Variants in USP24 observed in about 807,000 individuals in gnomAD.
USP24 encodes ubiquitin carboxyl-terminal hydrolase 24.
A neutral mutation model predicts 361.6 loss-of-function variants in USP24; 97 were observed. The ratio of observed to expected loss-of-function variants is 0.27; its 90% CI spans 0.23 to 0.32. The LOEUF (loss-of-function observed/expected upper bound fraction) is 0.32, where lower values mean the gene tolerates loss of function less well. USP24 is among the 10% of genes least tolerant of loss of function. USP24 has a pLI of 1.00. For synonymous variants in USP24, 1,098 were observed against 1,124.6 expected, an observed-to-expected ratio of 0.98 and a Z score of 0.47; for missense variants, 2,353 against 3,165.6, an observed-to-expected ratio of 0.74 and a Z score of 6.16.
At chr1:55,175,099 T>A (rs1649824616) in intron 3 of USP24, among the ~76,000 whole-genome samples, 1 of 151,972 alleles carries the variant, frequency 6.6e-6, no homozygotes, top group African/African-American at 2.4e-5. Context: ...ATGAAGCTAC[T>A]TTTGCTTCTA....
chr1:55,202,596 A>G (rs2454216), intron 1 of USP24, among the ~76,000 whole-genome samples: 149,917 of 152,252 alleles, frequency 0.98, 73,844 homozygotes, highest in East Asian at 1. Context: ...GTAGAGACGG[A>G]GTTTCACCCT....
chr1:55,208,019 A>C (rs1644755274), intron 1 of USP24, among the ~76,000 whole-genome samples: 1 of 152,238 alleles, frequency 6.6e-6, no homozygotes, highest in African/African-American at 2.4e-5. Flanking sequence ...CTGCTGTATC[A>C]TGGCTGAAGC....
intron 64 of USP24, chr1:55,073,136 G>A (rs1306182165): frequency 4.5e-6 from 2 of 444,668 alleles, no homozygotes; most frequent in East Asian, 3.7e-5. Context: ...ATGGATGGTG[G>A]TGATGGTTGC....
At chr1:55,133,250 C>A (rs1465401206) in intron 30 of USP24, among the ~76,000 whole-genome samples, 1 of 152,130 alleles carries the variant, frequency 6.6e-6, no homozygotes, top group African/African-American at 2.4e-5. Context: ...ATAGATACGA[C>A]ACAATTTCAA....
At chr1:55,137,133 G>A (rs1352212650) in intron 28 of USP24, among the ~76,000 whole-genome samples, 1 of 152,206 alleles carries the variant, frequency 6.6e-6, no homozygotes, top group African/African-American at 2.4e-5. Context: ...AAAGCCAAGT[G>A]AAGAGTGTTC....
intron 8 of USP24, among the ~76,000 whole-genome samples, chr1:55,160,783 C>T (rs1160539386): frequency 6.6e-6 from 1 of 152,010 alleles, no homozygotes; most frequent in Non-Finnish European, 1.5e-5. Context: ...AATTCTCTTC[C>T]ACATAGCAAG....
intron 1 of USP24, among the ~76,000 whole-genome samples, chr1:55,197,763 G>GT (rs1425312699): frequency 6.6e-6 from 1 of 152,190 alleles, no homozygotes; most frequent in African/African-American, 2.4e-5. Flanking sequence ...CCTAAATATA[G>GT]TGACCAGGTG....
At chr1:55,134,503 C>T (rs147741685) in intron 28 of USP24, 90 bp from the exon 29 acceptor site, 13,145 of 1,145,234 alleles carry the variant, frequency 0.011, 115 homozygotes, top group Non-Finnish European at 0.014. Context: ...AATACTAGTT[C>T]TGAAAGGCTG....
chr1:55,140,821 A>G (rs1302651882), intron 24 of USP24, among the ~76,000 whole-genome samples: 1 of 152,200 alleles, frequency 6.6e-6, no homozygotes, highest in Admixed American at 6.5e-5. Context: ...AGAGGCTCAT[A>G]AAAAACCCAC....
intron 11 of USP24, 84 bp downstream of exon 11, chr1:55,157,172 G>T: frequency 7.4e-7 from 1 of 1,358,002 alleles, no homozygotes; most frequent in Non-Finnish European, 1.0e-6. Flanking sequence ...TACAGTCAAA[G>T]CAACAATTTT....
chr1:55,095,585 T>G (rs1645478712), intron 50 of USP24, among the ~76,000 whole-genome samples, 189 bp from the exon 51 acceptor site: 1 of 152,198 alleles, frequency 6.6e-6, no homozygotes, highest in South Asian at 2.1e-4. Context: ...ACTTCAGTTG[T>G]GGGCCTAGCT....
At chr1:55,098,374 G>A (rs760307036) in intron 46 of USP24, 102 bp downstream of exon 46, 22 of 1,037,474 alleles carry the variant, frequency 2.1e-5, no homozygotes, top group Non-Finnish European at 2.9e-5. Context: ...TTGACAGGGA[G>A]AGAGTTCTAA....
At chr1:55,212,536 A>G (rs1335118988) in intron 1 of USP24, among the ~76,000 whole-genome samples, 1 of 152,186 alleles carries the variant, frequency 6.6e-6, no homozygotes, top group African/African-American at 2.4e-5. Context: ...ATGCTGGATA[A>G]TATTTATTAC....
intron 67 of USP24, among the ~76,000 whole-genome samples, chr1:55,070,085 G>A (rs950142171): frequency 1.3e-5 from 2 of 151,924 alleles, no homozygotes; most frequent in Non-Finnish European, 2.9e-5. Flanking sequence ...AGGTGGAGGA[G>A]AGGGACGAGC....
intron 32 of USP24, among the ~76,000 whole-genome samples, chr1:55,127,208 C>A (rs989146782): frequency 2.0e-5 from 3 of 150,904 alleles, no homozygotes; most frequent in Non-Finnish European, 4.4e-5. Flanking sequence ...CTAATGCTAT[C>A]CCTCCCCACT....
chr1:55,096,560 T>C lies in USP24; in HGVS notation c.5999A>G (p.Asn2000Ser). Residue 2000 changes from asparagine (N) to serine (S), a missense_variant, in exon 50 of 68, where the codon AAT (asparagine) becomes AGT (serine). Asn to Ser is a conservative substitution (Grantham distance 46). Transcript: ENST00000294383. ...GCATTCATACTCCAGGGTCTCGTCA[T>C]TTAGGTCAAATTCTTCTATAACTGT... ...NDTVIEEFDL[N>S]DETLEYECFG... 6.2e-7 allele frequency: 1 copy of C among 1,613,330 alleles called. No homozygotes were observed. The highest frequency in any genetic ancestry group is 1.1e-5 in the South Asian group (1 of 90,942).
At chr1:55,070,367 G>A (rs958856871) in intron 67 of USP24, among the ~76,000 whole-genome samples, 2 of 152,204 alleles carry the variant, frequency 1.3e-5, no homozygotes, top group African/African-American at 4.8e-5. Context: ...GTCCAGAAGA[G>A]GCAGTACTAG....
At position 55,145,623 on chromosome 1, in the gene USP24, C is replaced by A. The variant is rs187382200; in HGVS notation, c.2362+375G>T. On this transcript the variant is annotated intron_variant, in intron 20 of 67. Transcript: ENST00000294383. ...AATATACTAAAAGCCACCATTTGTA[C>A]ACTTTAAAAAGTGAGTTTCATGGTA... Among the ~76,000 whole-genome samples the A allele has an allele frequency of 3.8e-3, 577 of 152,216 alleles. 5 individuals carry two copies. Among genetic ancestry groups the A allele is most frequent in the African/African-American group, 0.013 (540 of 41,530 alleles).
intron 1 of USP24, among the ~76,000 whole-genome samples, chr1:55,187,986 C>A (rs894643959): frequency 2.6e-5 from 4 of 152,150 alleles, no homozygotes; most frequent in Non-Finnish European, 4.4e-5. Context: ...ATTCACATTT[C>A]CCATTTTCAA....
Sources: allele counts gnomAD v4.1 joint callset (sites outside exome capture counted in the v4.1 genomes callset), GRCh38; gene constraint gnomAD v4.1.1; transcripts MANE v1.5; gene names NCBI Gene and HGNC (gene_info 2026-07-23, HGNC 2026-07-21).